NPAS2: variants seen among roughly 807,000 people sequenced by gnomAD.
The protein encoded by NPAS2 is neuronal PAS domain protein 2.
NPAS2 carries 23 observed loss-of-function variants against 107.5 expected under a neutral mutation model. That is an observed-to-expected ratio of 0.21 (90% CI 0.15 to 0.30). The LOEUF is 0.30. Among genes scored for constraint, NPAS2 ranks in the 10% least tolerant of loss-of-function variants. The pLI is 1.00. For missense variants in NPAS2, 756 were observed against 1,043.3 expected (o/e 0.72, Z 3.79); for synonymous variants, 403 against 417.5 (o/e 0.97, Z 0.42).
intron 1 of NPAS2, among the ~76,000 whole-genome samples, chr2:100,876,476 G>T (rs1345439532): frequency 6.6e-6 from 1 of 152,168 alleles, no homozygotes; most frequent in Non-Finnish European, 1.5e-5. Context: ...CTTTCCATTT[G>T]GCCATATGTC....
chr2:100,971,988 C>A (rs1676604029), intron 12 of NPAS2, among the ~76,000 whole-genome samples: 1 of 149,504 alleles, frequency 6.7e-6, no homozygotes, highest in Admixed American at 6.6e-5. Context: ...GTTGCCCCAG[C>A]TGGAGTGCAG....
intron 1 of NPAS2, among the ~76,000 whole-genome samples, chr2:100,877,537 C>G (rs368450764): frequency 1.3e-4 from 20 of 152,072 alleles, no homozygotes; most frequent in African/African-American, 4.6e-4. Context: ...ACAGTTGGAG[C>G]CATGCAAGCA....
chr2:100,994,666 TGAG>T (rs1352939125), intron 20 of NPAS2: 1 of 152,310 alleles, frequency 6.6e-6, no homozygotes, highest in Non-Finnish European at 1.5e-5. Flanking sequence ...GGAAGGGACT[TGAG>T]GAGAGGGAGG....
At chr2:100,931,307 C>A (rs570226371) in intron 3 of NPAS2, among the ~76,000 whole-genome samples, 1 of 152,218 alleles carries the variant, frequency 6.6e-6, no homozygotes, top group Non-Finnish European at 1.5e-5. Flanking sequence ...CATAGCAGCT[C>A]TTTTCTGCCC....
chr2:100,859,340 G>C (rs1036928110), intron 1 of NPAS2, among the ~76,000 whole-genome samples: 4 of 152,170 alleles, frequency 2.6e-5, no homozygotes, highest in Non-Finnish European at 5.9e-5. Flanking sequence ...CTGTGGTCGA[G>C]ATCTTTTGTT....
At chr2:100,885,115 AT>A (rs964701866) in intron 1 of NPAS2, among the ~76,000 whole-genome samples, 1 of 151,468 alleles carries the variant, frequency 6.6e-6, no homozygotes, top group Non-Finnish European at 1.5e-5. Context: ...CGCCCAGCTA[AT>A]TTTTTTTGTA....
chr2:100,843,009 A>G (rs1677538770), intron 1 of NPAS2, among the ~76,000 whole-genome samples: 1 of 152,034 alleles, frequency 6.6e-6, no homozygotes, highest in Admixed American at 6.6e-5. Flanking sequence ...TCATGAGGTC[A>G]AGAGATTGAG....
At chr2:100,898,121 G>A (rs998057839) in intron 1 of NPAS2, among the ~76,000 whole-genome samples, 1 of 151,818 alleles carries the variant, frequency 6.6e-6, no homozygotes, top group African/African-American at 2.4e-5. Context: ...TCACTCTGTT[G>A]TTTAGGCTGG....
At chr2:100,831,747 CTTCTT>C (rs1294124440) in intron 1 of NPAS2, among the ~76,000 whole-genome samples, 2 of 152,026 alleles carry the variant, frequency 1.3e-5, no homozygotes, top group Non-Finnish European at 2.9e-5. Context: ...AAAATAAAAT[CTTCTT>C]TACTTTCATT....
At chr2:100,821,314 C>G in intron 1 of NPAS2, 1 of 894,494 alleles carries the variant, frequency 1.1e-6, no homozygotes. Flanking sequence ...TCTAAACACT[C>G]CCGAGCTTGT....
chr2:100,972,005 A>G (rs1483609227), intron 12 of NPAS2, among the ~76,000 whole-genome samples: 1 of 149,792 alleles, frequency 6.7e-6, no homozygotes, highest in East Asian at 2.0e-4. Flanking sequence ...GCAGTGGTGC[A>G]ATCTCGATCT....
intron 1 of NPAS2, among the ~76,000 whole-genome samples, chr2:100,881,692 A>G (rs1417249026): frequency 6.6e-6 from 1 of 152,182 alleles, no homozygotes; most frequent in Non-Finnish European, 1.5e-5. Flanking sequence ...TCTCAAAAAA[A>G]AAAAAAGTGC....
intron 2 of NPAS2, among the ~76,000 whole-genome samples, chr2:100,911,690 G>GAC (rs1682556884): frequency 6.6e-6 from 1 of 151,926 alleles, no homozygotes; most frequent in Admixed American, 6.6e-5. Flanking sequence ...GGAGTGCAGT[G>GAC]GCACAATGTC....
At position 100,820,924 on chromosome 2, in the gene NPAS2, G is replaced by A. The variant is rs1401146614; in HGVS notation, c.-23+510G>A. 1.3e-5 allele frequency: 9 copies of A among 694,658 alleles called. No individual in the cohort carries two copies. The highest frequency in any genetic ancestry group is 4.7e-4 in the Middle Eastern group (1 of 2,114). The allele number at this position is 694,658 out of a possible 1,614,324, so 43.0% of individuals were successfully genotyped here. On this transcript the variant is annotated intron_variant, in intron 1 of 20. Transcript: ENST00000335681. This position sits in a 1 kb window ranked among gnomAD's most constrained non-coding sequence, Gnocchi z 5.6. ...GAATTGGTTCCGGGCCGGATTGGGTGCGGAATCGGTGCCCCCAACCCCCGT... is the reference window on the plus strand; with the variant it reads ...GAATTGGTTCCGGGCCGGATTGGGTACGGAATCGGTGCCCCCAACCCCCGT...
At chr2:100,842,340 A>T (rs1160960428) in intron 1 of NPAS2, among the ~76,000 whole-genome samples, 5 of 152,052 alleles carry the variant, frequency 3.3e-5, no homozygotes, top group African/African-American at 1.2e-4. Flanking sequence ...CCTTCTTTCT[A>T]CTTGGGGAGG....
At chr2:100,977,821 G>A (rs775815910) in intron 15 of NPAS2, 22 bp downstream of exon 15, 2 of 1,605,934 alleles carry the variant, frequency 1.2e-6, no homozygotes, top group East Asian at 2.2e-5. Context: ...ACCCAGGAAA[G>A]GGCAGCCCCT....
intron 1 of NPAS2, among the ~76,000 whole-genome samples, chr2:100,836,264 TCACTTCGATGTGTACCA>T (rs1460287883): frequency 6.6e-6 from 1 of 152,158 alleles, no homozygotes; most frequent in Non-Finnish European, 1.5e-5. Flanking sequence ...CCTAGCGACC[TCACTTCGATGTGTACCA>T]CCCCCATCCC....
chr2:100,821,823 T>C (rs915796678), intron 1 of NPAS2, among the ~76,000 whole-genome samples: 1 of 152,118 alleles, frequency 6.6e-6, no homozygotes, highest in African/African-American at 2.4e-5. Flanking sequence ...AAATAAATAG[T>C]GTAATGTTTA....
intron 1 of NPAS2, among the ~76,000 whole-genome samples, chr2:100,860,373 T>G (rs961542443): frequency 2.6e-5 from 4 of 152,240 alleles, no homozygotes. Context: ...TGATGTTAAC[T>G]TTGATCTCTT....
Sources: gnomAD v4.1 joint callset for allele counts (sites outside exome capture counted in the v4.1 genomes callset) on GRCh38, gnomAD v4.1.1 for gene constraint, Gnocchi (gnomAD v3.1) non-coding constraint, MANE v1.5 for transcripts, NCBI Gene and HGNC (gene_info 2026-07-23, HGNC 2026-07-21) for gene names.